TAF6: variants seen among roughly 807,000 people sequenced by gnomAD.
TAF6 encodes transcription initiation factor TFIID subunit 6.
In TAF6, 50 loss-of-function variants were observed where a neutral mutation model predicts 73.5. That is an observed-to-expected ratio of 0.68 (90% CI 0.54 to 0.86). TAF6 has a LOEUF of 0.86. Among genes scored for constraint, TAF6 ranks in the 40% least tolerant of loss-of-function variants. TAF6 has a pLI of 0.00. For missense variants in TAF6, 768 were observed against 899.5 expected, an observed-to-expected ratio of 0.85 and a Z score of 1.87; for synonymous variants, 424 against 376.7, an observed-to-expected ratio of 1.13 and a Z score of -1.45.
Position 100,113,937 on chromosome 7 carries a change from C to T in TAF6, c.174G>A (p.Met58Ile). The T allele has an allele frequency of 6.2e-7, 1 of 1,614,006 alleles. No individual in the cohort carries two copies. ...KEIAQDALKF[M>I]HMGKRQKLTT... ...TGAGCTTCTGCCGCTTCCCCATGTG[C>T]ATGAACTTCAAGGCATCCTGGGGTC... Residue 58 changes from methionine to isoleucine, a missense_variant, in exon 3 of 15, where the codon ATG becomes ATA. Transcript: ENST00000453269.
intron 1 of TAF6, 33 bp from the exon 2 acceptor site, chr7:100,114,301 G>T (rs767069625): frequency 6.2e-7 from 1 of 1,600,106 alleles, no homozygotes; most frequent in Non-Finnish European, 8.5e-7. Flanking sequence ...AGAAGAAAAA[G>T]AAACGTGAGA....
chr7:100,117,799 T>G (rs1462052413), intron 1 of TAF6, among the ~76,000 whole-genome samples: 1 of 150,380 alleles, frequency 6.6e-6, no homozygotes, highest in Non-Finnish European at 1.5e-5. Flanking sequence ...TCCCAGCACT[T>G]TGGGAGGCCG....
chr7:100,117,071 C>T (rs1041673213), intron 1 of TAF6, among the ~76,000 whole-genome samples: 1 of 151,994 alleles, frequency 6.6e-6, no homozygotes, highest in African/African-American at 2.4e-5. Context: ...CATGGTTAAA[C>T]CCCATCTCTA....
At position 100,108,363 on chromosome 7, in the gene TAF6, G is replaced by T; in HGVS notation, c.1458+4C>A. 1 of 1,593,936 alleles carries T rather than the reference G, an allele frequency of 6.3e-7. No homozygotes were observed. Among genetic ancestry groups the T allele is most frequent in the South Asian group, 1.1e-5 (1 of 90,098 alleles). On this transcript the variant is annotated splice_donor_region_variant and intron_variant, in intron 13 of 14. Transcript: ENST00000453269. ...CTATTCCTCCTCCCCACCCGGCCAC[G>T]GACCTGCGTGATGGTCAGAGTGGTC...
the TAF6 span, among the ~76,000 whole-genome samples, chr7:100,126,499 T>A: frequency 6.6e-6 from 1 of 151,528 alleles, no homozygotes; most frequent in Non-Finnish European, 1.5e-5. Flanking sequence ...CGAGACTGTC[T>A]CAAAAGAAAA....
At chr7:100,124,576 G>C, upstream of TAF6, 2 of 1,613,232 alleles carry the variant, frequency 1.2e-6, no homozygotes, top group South Asian at 2.2e-5. Flanking sequence ...ACCATCAGGA[G>C]CAGCCCCTAC....
intron 1 of TAF6, among the ~76,000 whole-genome samples, chr7:100,118,057 A>AC (rs1277695909): frequency 2.0e-5 from 3 of 150,124 alleles, no homozygotes; most frequent in African/African-American, 7.3e-5. Flanking sequence ...AAAAAAAAAA[A>AC]AAAACAAAAA....
At chr7:100,122,650 G>T, upstream of TAF6, 3 of 1,513,456 alleles carry the variant, frequency 2.0e-6, no homozygotes, top group Non-Finnish European at 2.7e-6. Context: ...CCCTCCAGAG[G>T]TTATCTGCCC....
intron 1 of TAF6, among the ~76,000 whole-genome samples, chr7:100,117,808 C>T (rs1485884737): frequency 1.3e-5 from 2 of 150,532 alleles, no homozygotes; most frequent in South Asian, 2.1e-4. Flanking sequence ...TTTGGGAGGC[C>T]GAGGCGGGCG....
At chr7:100,112,726 A>T in intron 6 of TAF6, 72 bp downstream of exon 6, 1 of 1,509,832 alleles carries the variant, frequency 6.6e-7, no homozygotes, top group Non-Finnish European at 8.9e-7. Flanking sequence ...AAAACAAAAA[A>T]AAAGGAAACA....
In TAF6 at chr7:100,112,548, T is replaced by TA. The variant is rs564340356; in HGVS notation, c.574+249dup. 8.4e-4 allele frequency among the ~76,000 whole-genome samples: 128 copies of TA among 151,836 alleles called. 1 individual carries two copies. Among genetic ancestry groups the TA allele is most frequent in the African/African-American group, 2.9e-3 (119 of 41,428 alleles). On this transcript the variant is annotated intron_variant, in intron 6 of 14. Coordinates refer to ENST00000453269, the MANE Select transcript of TAF6 (RefSeq NM_139315.3). ...CAACATAGCAAAACCCTGTCTCTAC[T>TA]AAAAAAAATTACAAAAATTAGCCGG...
chr7:100,111,165 A>G lies in TAF6; in HGVS notation c.1057T>C (p.Ser353Pro). 6.2e-7 allele frequency: 1 copy of G among 1,613,904 alleles called. No homozygotes were observed. The highest frequency in any genetic ancestry group is 8.5e-7 in the Non-Finnish European group (1 of 1,179,952). The change falls in exon 10 of 15, where the codon TCC (serine) becomes CCC (proline). Residue 353 changes from serine to proline, a missense_variant. By Grantham distance (74) the Ser-to-Pro change is moderately conservative. Transcript: ENST00000453269. The stretch of plus-strand genomic sequence containing the variant: ...TTGGTGAAGGTCTTGGTGATCCGGG[A>G]CTGGATGTTGTTAGTGGTTGTGCTA... Reference protein sequence around the residue: ...HFSTTTNNIQSRITKTFTKSW... With the variant: ...HFSTTTNNIQPRITKTFTKSW...
In TAF6 at chr7:100,107,673, C is replaced by G. The variant is rs551239985; in HGVS notation, c.1657-50G>C. The G allele has an allele frequency of 1.4e-4, 227 of 1,592,000 alleles. 2 individuals are homozygous for G. The South Asian group carries it at 2.4e-3, about 17-fold the overall frequency. Reference sequence around the variant, plus strand: ...GCTTGCCCTGTGCCCTCCCTGCCCCCCAGAGGCCTGGCGAGGACGCTTCAC... The same window carrying G: ...GCTTGCCCTGTGCCCTCCCTGCCCCGCAGAGGCCTGGCGAGGACGCTTCAC... On this transcript the variant is annotated intron_variant, in intron 14 of 14. Coordinates refer to ENST00000453269, the MANE Select transcript of TAF6 (RefSeq NM_139315.3).
chr7:100,112,033 G>A (rs756451961), intron 7 of TAF6, 34 bp from the exon 8 acceptor site: 36 of 1,613,840 alleles, frequency 2.2e-5, no homozygotes, highest in Non-Finnish European at 2.9e-5. Flanking sequence ...AGGTGGGGGT[G>A]GGATGTGGGG....
chr7:100,108,581 G>T, intron 12 of TAF6, 41 bp from the exon 13 acceptor site: 1 of 1,558,806 alleles, frequency 6.4e-7, no homozygotes, highest in Non-Finnish European at 8.7e-7. Flanking sequence ...GAGGGCTGGG[G>T]AAAAAAGCCA....
At chr7:100,108,315 CAG>C (rs1053241918) in intron 13 of TAF6, 50 bp downstream of exon 13, 118 of 1,549,496 alleles carry the variant, frequency 7.6e-5, no homozygotes, top group South Asian at 6.5e-4. Flanking sequence ...CTGTCCCACA[CAG>C]GGGTTCTCCT....
upstream of TAF6, chr7:100,121,117 T>TATATATATATATATATATATATA (rs1491228284): frequency 2.0e-4 from 7 of 35,152 alleles, no homozygotes; most frequent in South Asian, 1.3e-3. Flanking sequence ...TATATATATA[T>TATATATATATATATATATATATA]TTTTTTTTTT....
chr7:100,111,320 A>G lies in TAF6; in HGVS notation c.902T>C (p.Val301Ala). The G allele has an allele frequency of 1.2e-6, 2 of 1,610,530 alleles. No homozygotes were observed. The highest frequency in any genetic ancestry group is 1.7e-6 in the Non-Finnish European group (2 of 1,177,102). The change falls in exon 10 of 15, where the codon GTC (valine) becomes GCC (alanine). Residue 301 changes from valine (V) to alanine (A), a missense_variant and splice_region_variant. This residue lies in a region of TAF6 where 78 missense variants were observed against 153.4 expected (regional missense o/e 0.51). Transcript: ENST00000453269. ...DNPTLYLEKY[V>A]HELIPAVMTC... The stretch of plus-strand genomic sequence containing the variant: ...CATCACAGCTGGAATCAGCTCATGG[A>G]CCTAAGGGAGAAAGGGCGGGACAGC...
chr7:100,122,572 GCCAAGGTCAGA>G (rs1467748182), upstream of TAF6: 1 of 1,606,836 alleles, frequency 6.2e-7, no homozygotes, highest in East Asian at 2.2e-5. Flanking sequence ...ACTGAGATAT[GCCAAGGTCAGA>G]CCCTTCCCCA....
Sources: gnomAD v4.1 joint callset for allele counts (sites outside exome capture counted in the v4.1 genomes callset) on GRCh38, gnomAD v4.1.1 for gene constraint, gnomAD v4.1.1 regional missense constraint, MANE v1.5 for transcripts, NCBI Gene and HGNC (gene_info 2026-07-23, HGNC 2026-07-21) for gene names.